The following MYO7A variants were observed in gnomAD, a reference collection of about 807,000 sequenced individuals.
MYO7A encodes myosin VIIA.
MYO7A carries 210 observed loss-of-function variants against 263.8 expected under a neutral mutation model. The observed-to-expected ratio is 0.80, with a 90% CI of 0.71 to 0.89. The LOEUF is 0.89. Ranked by LOEUF, MYO7A falls within the 40% of genes least tolerant of loss-of-function variation. The probability of loss-of-function intolerance (pLI) is 0.00; values close to 1 mark genes in which losing one functional copy is unlikely to be tolerated. For missense variants in MYO7A, 2,820 were observed against 2,968.3 expected (o/e 0.95, Z 1.16); for synonymous variants, 1,239 against 1,197.3 (o/e 1.03, Z -0.72).
At chr11:77,151,671 A>G (rs1314680381) in intron 4 of MYO7A, among the ~76,000 whole-genome samples, 2 of 152,218 alleles carry the variant, frequency 1.3e-5, no homozygotes, top group Non-Finnish European at 2.9e-5. Flanking sequence ...AGATTGGAAC[A>G]AGAGGTCTGT....
chr11:77,209,576 AC>A (rs1395502178), intron 44 of MYO7A, among the ~76,000 whole-genome samples: 1 of 146,158 alleles, frequency 6.8e-6, no homozygotes, highest in Non-Finnish European at 1.5e-5. Flanking sequence ...CCCCTGGACT[AC>A]CAGTTCCCCC....
At chr11:77,190,204 G>T in intron 29 of MYO7A, 65 bp downstream of exon 29, 1 of 1,413,992 alleles carries the variant, frequency 7.1e-7, no homozygotes, top group Admixed American at 2.4e-5. Flanking sequence ...GCGTGTGTGT[G>T]TGTGTCCAGT....
intron 7 of MYO7A, 119 bp from the exon 8 acceptor site, chr11:77,157,160 A>G: frequency 7.4e-7 from 1 of 1,347,234 alleles, no homozygotes; most frequent in Non-Finnish European, 1.0e-6. Context: ...CATGAAACCC[A>G]CCGATGGGCT....
intron 27 of MYO7A, among the ~76,000 whole-genome samples, chr11:77,187,075 A>G (rs1400751967): frequency 6.6e-6 from 1 of 152,210 alleles, no homozygotes; most frequent in Non-Finnish European, 1.5e-5. Context: ...GTCAGAACAC[A>G]TCTAACATTT....
In MYO7A at chr11:77,138,193, C is replaced by A. The variant is rs997501149; in HGVS notation, c.19-4516C>A. On this transcript the variant is annotated intron_variant, in intron 2 of 48. Coordinates refer to ENST00000409709, the MANE Select transcript of MYO7A (RefSeq NM_000260.4). This position sits in a 1 kb window ranked among gnomAD's most constrained non-coding sequence, Gnocchi z 4.9. ...TCCCGCCCGCGGGCGTCACCTAAGC[C>A]GCCGTTGCCATGGGCCCGCAGCAGA... Among the ~76,000 whole-genome samples the A allele has an allele frequency of 6.6e-6, 1 of 151,896 alleles. No individual in the cohort carries two copies. The highest frequency in any genetic ancestry group is 2.4e-5 in the African/African-American group (1 of 41,324).
intron 26 of MYO7A, 71 bp from the exon 27 acceptor site, chr11:77,184,517 G>A (rs1354967546): frequency 1.0e-5 from 14 of 1,375,434 alleles, no homozygotes; most frequent in East Asian, 5.0e-5. Context: ...AGGCAGCCTC[G>A]GGTGCTGGTG....
chr11:77,203,258 C>A, intron 38 of MYO7A, 41 bp downstream of exon 38: 1 of 1,537,978 alleles, frequency 6.5e-7, no homozygotes, highest in South Asian at 1.2e-5. Context: ...AGCCAGGGAC[C>A]GGGCAGGGCC....
chr11:77,181,632 G>T (rs373619611), intron 23 of MYO7A, 43 bp downstream of exon 23: 13 of 1,567,480 alleles, frequency 8.3e-6, no homozygotes, highest in Non-Finnish European at 1.0e-5. Flanking sequence ...CACACACACC[G>T]CTTGTGTTGA....
Position 77,214,872 on chromosome 11 carries a change from C to A in MYO7A, c.*176C>A. ...CTGATGTTCTTCCAGTGAGGCATCT[C>A]TCTGGGATGCAGAACTTCCCTCCAT... On this transcript the variant is annotated 3_prime_UTR_variant, in exon 49 of 49. Coordinates refer to ENST00000409709, the MANE Select transcript of MYO7A (RefSeq NM_000260.4). The A allele has an allele frequency of 1.7e-6, 1 of 584,564 alleles. No homozygotes were observed. Among genetic ancestry groups the A allele is most frequent in the Non-Finnish European group, 3.0e-6 (1 of 330,568 alleles). The allele number at this position is 584,564 out of a possible 1,614,324, so 36.2% of individuals were successfully genotyped here. A position where few individuals can be genotyped will look rare whatever the true frequency, so the allele number is the denominator to read the frequency against.
intron 8 of MYO7A, among the ~76,000 whole-genome samples, chr11:77,157,939 C>T (rs1323467509): frequency 6.6e-6 from 1 of 152,132 alleles, no homozygotes; most frequent in Non-Finnish European, 1.5e-5. Context: ...GTGGGTATCC[C>T]CGGGGGGCTG....
intron 15 of MYO7A, among the ~76,000 whole-genome samples, chr11:77,169,014 C>T (rs1327281805): frequency 6.6e-6 from 1 of 152,202 alleles, no homozygotes; most frequent in African/African-American, 2.4e-5. Flanking sequence ...TCTCCATAAA[C>T]GTCACATCTT....
intron 4 of MYO7A, among the ~76,000 whole-genome samples, chr11:77,153,331 G>A (rs965506041): frequency 1.3e-5 from 2 of 152,220 alleles, no homozygotes; most frequent in Admixed American, 6.5e-5. Context: ...AGTTGGGAAG[G>A]CTGGAGAGAG....
At chr11:77,205,845 G>A (rs1957413356) in intron 40 of MYO7A, among the ~76,000 whole-genome samples, 1 of 152,128 alleles carries the variant, frequency 6.6e-6, no homozygotes, top group Non-Finnish European at 1.5e-5. Flanking sequence ...GCTATCGGGT[G>A]GGCACAGACA....
intron 15 of MYO7A, among the ~76,000 whole-genome samples, chr11:77,166,922 C>T (rs1244908594): frequency 3.3e-5 from 5 of 152,138 alleles, no homozygotes; most frequent in African/African-American, 7.2e-5. Context: ...CACCCTGCAC[C>T]GTGGTTCCTG....
At chr11:77,173,354 C>A (rs1555077835) in intron 16 of MYO7A, among the ~76,000 whole-genome samples, 1 of 152,248 alleles carries the variant, frequency 6.6e-6, no homozygotes, top group African/African-American at 2.4e-5. Context: ...CTCCTGGAAG[C>A]CTCCCCCATC....
Position 77,158,290 on chromosome 11 carries a change from C to G in MYO7A, c.863C>G (p.Thr288Ser). 6.2e-7 allele frequency: 1 copy of G among 1,607,558 alleles called. No individual in the cohort carries two copies. Among genetic ancestry groups the G allele is most frequent in the Non-Finnish European group, 8.5e-7 (1 of 1,175,738 alleles). The change falls in exon 9 of 49, where the codon ACC (threonine) becomes AGC (serine). Residue 288 changes from threonine (T) to serine (S), a missense_variant. Transcript: ENST00000409709. ...YNYLAMGNCITCEGRVDSQEY... is the reference protein window; with the variant it reads ...YNYLAMGNCISCEGRVDSQEY... ...CCTGCCCACCAGGGTAACTGCATAA[C>G]CTGTGAGGGCCGGGTGGACAGCCAG...
intron 4 of MYO7A, among the ~76,000 whole-genome samples, chr11:77,152,228 A>AT (rs1952033342): frequency 2.0e-5 from 3 of 152,080 alleles, no homozygotes; most frequent in Admixed American, 6.5e-5. Flanking sequence ...AAAATTATTC[A>AT]TTTTTTTCTG....
In MYO7A at chr11:77,211,905, C is replaced by A; in HGVS notation, c.6322C>A (p.Pro2108Thr). ...LAFLKLIFKW[P>T]TFGSAFFEVK... is the part of the protein sequence containing the mutation. ...CTTCCTGAAGCTCATCTTCAAGTGG[C>A]CCACCTTTGGCTCAGCCTTCTTCGA... Residue 2108 changes from proline (P) to threonine (T), a missense_variant, in exon 46 of 49, where the codon CCC becomes ACC. Pro to Thr is a conservative substitution (Grantham distance 38). Transcript: ENST00000409709. 6.2e-7 allele frequency: 1 copy of A among 1,613,916 alleles called. No individual in the cohort carries two copies. Among genetic ancestry groups the A allele is most frequent in the Non-Finnish European group, 8.5e-7 (1 of 1,179,826 alleles).
Position 77,201,638 on chromosome 11 carries a change from G to A in MYO7A, c.5043G>A (p.Val1681=), listed in dbSNP as rs1295009131. ...TCACCATGCCACCGCGGGAGATTGT[G>A]GTATGTGGCCTGGGGGTGGCAGATG... is the stretch of plus-strand genomic sequence containing the variant. ...PTVTMPPREI[V]ALVTMTPDQR... The change falls in exon 36 of 49, where the codon GTG becomes GTA. Residue 1681 remains valine (V), a splice_region_variant and synonymous_variant. Coordinates refer to ENST00000409709, the MANE Select transcript of MYO7A (RefSeq NM_000260.4). 1 of 1,612,508 alleles carries A rather than the reference G, an allele frequency of 6.2e-7. No individual in the cohort carries two copies. Among genetic ancestry groups the A allele is most frequent in the South Asian group, 1.1e-5 (1 of 91,052 alleles).
Sources: gnomAD v4.1 joint callset for allele counts (sites outside exome capture counted in the v4.1 genomes callset) on GRCh38, gnomAD v4.1.1 for gene constraint, Gnocchi (gnomAD v3.1) non-coding constraint, MANE v1.5 for transcripts, NCBI Gene and HGNC (gene_info 2026-07-23, HGNC 2026-07-21) for gene names.